The following CNTN5 variants were observed in gnomAD, a reference collection of about 807,000 sequenced individuals.
The protein encoded by CNTN5 is contactin-5.
Under a neutral mutation model 129.1 loss-of-function variants are expected in CNTN5, and 77 were observed. The observed-to-expected ratio is 0.60, with a 90% CI of 0.50 to 0.72. The LOEUF is 0.72. CNTN5 is among the 30% of genes least tolerant of loss of function. CNTN5 has a pLI of 0.00. For synonymous variants in CNTN5, 509 were observed against 465.6 expected, an observed-to-expected ratio of 1.09 and a Z score of -1.20; for missense variants, 1,478 against 1,328.8, an observed-to-expected ratio of 1.11 and a Z score of -1.75.
At chr11:100,237,945 A>G (rs946051167) in intron 16 of CNTN5, among the ~76,000 whole-genome samples, 4 of 152,188 alleles carry the variant, frequency 2.6e-5, no homozygotes, top group Non-Finnish European at 5.9e-5. Flanking sequence ...GAAGATGGGA[A>G]AAATAGTTCC....
At chr11:99,438,059 T>A (rs1444166845) in intron 2 of CNTN5, among the ~76,000 whole-genome samples, 1 of 152,210 alleles carries the variant, frequency 6.6e-6, no homozygotes, top group Non-Finnish European at 1.5e-5. Context: ...TTGTAAACTA[T>A]CATTTTAGTG....
At chr11:100,040,803 C>T (rs1281567327) in intron 9 of CNTN5, among the ~76,000 whole-genome samples, 1 of 152,086 alleles carries the variant, frequency 6.6e-6, no homozygotes, top group African/African-American at 2.4e-5. Context: ...TCCTGGTGTG[C>T]CATTTTTTTA....
intron 3 of CNTN5, among the ~76,000 whole-genome samples, chr11:99,778,141 A>G (rs74328487): frequency 0.035 from 5,385 of 151,818 alleles, 148 homozygotes; most frequent in South Asian, 0.099. Context: ...CTTGTTCTCT[A>G]TTAAAACAAT....
chr11:99,395,153 C>T (rs1444228928), intron 2 of CNTN5, among the ~76,000 whole-genome samples: 3 of 151,870 alleles, frequency 2.0e-5, no homozygotes, highest in African/African-American at 7.2e-5. Flanking sequence ...TTTATACTCC[C>T]ACTAACAGTG....
In CNTN5 at chr11:99,659,192, G is replaced by A. The variant is rs1243229844; in HGVS notation, c.55+102923G>A. Among the ~76,000 whole-genome samples, 42 of 151,984 alleles carry A rather than the reference G, an allele frequency of 2.8e-4. 1 individual carries two copies. The highest frequency in any genetic ancestry group is 4.4e-5 in the Non-Finnish European group (3 of 68,004). The stretch of plus-strand genomic sequence containing the variant: ...GCAGCAGCCATATCCTGTTAGGTGA[G>A]GACCTCTGAGAAGCAGAGAAAGTCA... On this transcript the variant is annotated intron_variant, in intron 3 of 24. Coordinates refer to ENST00000524871, the MANE Select transcript of CNTN5 (RefSeq NM_014361.4).
At chr11:99,853,876 C>T (rs1384448236) in intron 6 of CNTN5, among the ~76,000 whole-genome samples, 1 of 152,066 alleles carries the variant, frequency 6.6e-6, no homozygotes, top group Non-Finnish European at 1.5e-5. Context: ...GGTATTTCTT[C>T]AGCCACACAG....
chr11:99,656,827 T>C (rs1456704608), intron 3 of CNTN5, among the ~76,000 whole-genome samples: 1 of 152,058 alleles, frequency 6.6e-6, no homozygotes, highest in Non-Finnish European at 1.5e-5. Flanking sequence ...TATAAGCCTC[T>C]CTGACTCTGT....
intron 1 of CNTN5, among the ~76,000 whole-genome samples, chr11:99,156,429 T>A (rs1365052976): frequency 6.6e-6 from 1 of 152,068 alleles, no homozygotes; most frequent in Non-Finnish European, 1.5e-5. Context: ...GGTGCACAGA[T>A]AACTGGCATT....
chr11:99,808,074 CT>C (rs1415385228), intron 3 of CNTN5, among the ~76,000 whole-genome samples: 6 of 152,078 alleles, frequency 3.9e-5, no homozygotes, highest in Admixed American at 6.6e-5. Context: ...GGGTACTATA[CT>C]GCTTTGAATT....
At chr11:99,755,697 G>A (rs1247079764) in intron 3 of CNTN5, among the ~76,000 whole-genome samples, 2 of 151,842 alleles carry the variant, frequency 1.3e-5, no homozygotes, top group African/African-American at 4.8e-5. Context: ...GTCTTTCATA[G>A]CTTTTTCATT....
intron 9 of CNTN5, among the ~76,000 whole-genome samples, chr11:100,047,398 A>G (rs1422131808): frequency 2.6e-5 from 4 of 152,222 alleles, no homozygotes; most frequent in South Asian, 2.1e-4. Flanking sequence ...CTAAACCACA[A>G]ATAAATTAGC....
chr11:99,257,336 C>T (rs1185464537), intron 1 of CNTN5, among the ~76,000 whole-genome samples: 1 of 152,070 alleles, frequency 6.6e-6, no homozygotes, highest in Non-Finnish European at 1.5e-5. Context: ...CATTGCTCAA[C>T]GTTGCACAAC....
intron 3 of CNTN5, among the ~76,000 whole-genome samples, chr11:99,710,164 C>G (rs1246426754): frequency 6.6e-6 from 1 of 151,788 alleles, no homozygotes; most frequent in Non-Finnish European, 1.5e-5. Context: ...CGATACGGTT[C>G]CATGTATCAG....
At chr11:99,711,046 G>C (rs1409642326) in intron 3 of CNTN5, among the ~76,000 whole-genome samples, 3 of 151,890 alleles carry the variant, frequency 2.0e-5, no homozygotes, top group Admixed American at 2.0e-4. Flanking sequence ...TTATTCATCA[G>C]TTCTGGAGAT....
Position 99,450,257 on chromosome 11 carries a change from A to AATATATATATAT in CNTN5, c.-70-105871_-70-105860dup, listed in dbSNP as rs56270711. ...TTTGGCAAAAAGTATTGCTGGTAGA[A>AATATATATATAT]ATATATATATATATATATATATATA... On this transcript the variant is annotated intron_variant, in intron 2 of 24. Transcript: ENST00000524871. Among the ~76,000 whole-genome samples the AATATATATATAT allele has an allele frequency of 3.2e-3, 463 of 145,930 alleles. 1 individual carries two copies. The highest frequency in any genetic ancestry group is 0.011 in the African/African-American group (441 of 39,598).
chr11:100,057,224 A>G (rs900948854), intron 9 of CNTN5, among the ~76,000 whole-genome samples: 18 of 148,016 alleles, frequency 1.2e-4, no homozygotes, highest in Admixed American at 1.2e-3. Flanking sequence ...TATATAAAGT[A>G]TAAGTATATA....
intron 3 of CNTN5, among the ~76,000 whole-genome samples, chr11:99,784,004 G>A (rs1161780224): frequency 6.6e-6 from 1 of 151,862 alleles, no homozygotes; most frequent in Non-Finnish European, 1.5e-5. Context: ...AGCTGTTTTT[G>A]TGTGGTCCTG....
intron 13 of CNTN5, among the ~76,000 whole-genome samples, chr11:100,080,302 T>TTTTTC (rs139944761): frequency 0.1 from 15,816 of 152,008 alleles, 894 homozygotes; most frequent in East Asian, 0.18. Flanking sequence ...TATAGAATAA[T>TTTTTC]TTTTCTTTTA....
At chr11:99,979,536 G>T (rs946786427) in intron 8 of CNTN5, among the ~76,000 whole-genome samples, 1 of 152,130 alleles carries the variant, frequency 6.6e-6, no homozygotes, top group African/African-American at 2.4e-5. Context: ...TGTGAGGCAG[G>T]CTTCTATGAA....
Sources: gnomAD v4.1 joint callset for allele counts (sites outside exome capture counted in the v4.1 genomes callset) on GRCh38, gnomAD v4.1.1 for gene constraint, MANE v1.5 for transcripts, NCBI Gene and HGNC (gene_info 2026-07-23, HGNC 2026-07-21) for gene names.